Variants in CEP120 observed in about 807,000 individuals in gnomAD.
CEP120 encodes the protein centrosomal protein 120.
Under a neutral mutation model 126.5 loss-of-function variants are expected in CEP120, and 113 were observed. The observed-to-expected ratio is 0.89, with a 90% confidence interval of 0.77 to 1.04. CEP120 has a LOEUF of 1.04. Among genes scored for constraint, CEP120 ranks in the 50% least tolerant of loss-of-function variants. CEP120 has a pLI of 0.00. For missense variants in CEP120, 1,230 were observed against 1,155.7 expected (o/e 1.06, Z -0.93); for synonymous variants, 400 against 394.3 (o/e 1.01, Z -0.17).
At chr5:123,422,654 G>T (rs886694520) in intron 1 of CEP120, 5 of 980,448 alleles carry the variant, frequency 5.1e-6, no homozygotes, top group Non-Finnish European at 6.2e-6. Context: ...ACCACGTTCA[G>T]CTCATATATA....
At position 123,418,339 on chromosome 5, in the gene CEP120, A is replaced by G; in HGVS notation, c.206+20T>C. The G allele has an allele frequency of 1.3e-6, 2 of 1,528,744 alleles. No individual in the cohort carries two copies. The highest frequency in any genetic ancestry group is 1.8e-6 in the Non-Finnish European group (2 of 1,131,770). 94.7% of individuals were successfully genotyped at this position (1,528,744 alleles called of 1,614,324 possible). On this transcript the variant is annotated intron_variant, in intron 2 of 19. Coordinates refer to ENST00000306467, the MANE Select transcript of CEP120 (RefSeq NM_001375405.1). ...AAAATAAGAAACCAATAAAGAAGCT[A>G]AAATGAAAATGATAATCACCTGTGC... is the stretch of plus-strand genomic sequence containing the variant.
chr5:123,357,593 A>T (rs1769735739), intron 18 of CEP120, among the ~76,000 whole-genome samples: 1 of 151,554 alleles, frequency 6.6e-6, no homozygotes, highest in Non-Finnish European at 1.5e-5. Context: ...TGGCGTGGCA[A>T]AACCCTGTCT....
Position 123,347,192 on chromosome 5 carries a change from T to C in CEP120, c.2727-439A>G, listed in dbSNP as rs543344722. ...CTGTATACTACTTTTCTCATTTATA[T>C]AGAGATTTTTTAATATCATTAAATG... On this transcript the variant is annotated intron_variant, in intron 19 of 19. Transcript: ENST00000306467. Among the ~76,000 whole-genome samples, 36 of 152,324 alleles carry C rather than the reference T, an allele frequency of 2.4e-4. 1 individual carries two copies. The South Asian group carries it at 7.2e-3, about 31-fold the overall frequency.
In CEP120 at chr5:123,391,321, C is replaced by T. The variant is rs201955087; in HGVS notation, c.827G>A (p.Gly276Glu). The T allele has an allele frequency of 5.5e-5, 89 of 1,613,428 alleles. No individual in the cohort carries two copies. Among genetic ancestry groups the T allele is most frequent in the Non-Finnish European group, 2.0e-5 (24 of 1,179,382 alleles). ...QSKLQIHLCC[G>E]DQSLGSTEIP... is the part of the protein sequence containing the mutation. ...TTCTGTACTTCCAAGTGACTGGTCT[C>T]CACAGCAGAGGTGAATCTAATATGA... The change falls in exon 7 of 20, where the codon GGA (glycine) becomes GAA (glutamate). Residue 276 changes from glycine to glutamate, a missense_variant. Gly to Glu is a moderately conservative substitution (Grantham distance 98). Transcript: ENST00000306467.
intron 3 of CEP120, among the ~76,000 whole-genome samples, chr5:123,415,597 G>A (rs1250264259): frequency 6.6e-6 from 1 of 151,642 alleles, no homozygotes; most frequent in African/African-American, 2.4e-5. Context: ...ATATTGGCTG[G>A]GTGCAGTGGC....
chr5:123,410,482 T>C (rs1014712008), intron 4 of CEP120, among the ~76,000 whole-genome samples: 4 of 152,152 alleles, frequency 2.6e-5, no homozygotes, highest in African/African-American at 2.4e-5. Context: ...GACAAACAAA[T>C]AGACAAATAG....
chr5:123,393,616 G>T, intron 5 of CEP120, 119 bp from the exon 6 acceptor site: 1 of 769,054 alleles, frequency 1.3e-6, no homozygotes, highest in Non-Finnish European at 2.0e-6. Flanking sequence ...TGTCTTAACC[G>T]CTCAAATAAA....
Position 123,346,682 on chromosome 5 carries a change from T to C in CEP120, c.2798A>G (p.His933Arg), listed in dbSNP as rs749257683. ...CAAACCTTCTTCCAATACACTGCCA[T>C]GGGGGCCATCCTTTTTTCCACTTGC... Reference protein sequence around the residue: ...EIASGKKDGPHGSVLEEGLDD... With the variant: ...EIASGKKDGPRGSVLEEGLDD... Residue 933 changes from histidine to arginine, a missense_variant, in exon 20 of 20, where the codon CAT becomes CGT. Transcript: ENST00000306467. The C allele has an allele frequency of 1.2e-6, 2 of 1,613,772 alleles. No individual in the cohort carries two copies. The highest frequency in any genetic ancestry group is 1.1e-5 in the South Asian group (1 of 90,986).
intron 15 of CEP120, among the ~76,000 whole-genome samples, chr5:123,377,799 T>C (rs1194033002): frequency 6.6e-6 from 1 of 152,098 alleles, no homozygotes; most frequent in Non-Finnish European, 1.5e-5. Flanking sequence ...ACATTTCCAT[T>C]TGAATAAAAC....
At chr5:123,358,138 A>AACAT (rs1210800547) in intron 18 of CEP120, 8 of 152,166 alleles carry the variant, frequency 5.3e-5, no homozygotes, top group African/African-American at 1.9e-4. Flanking sequence ...AAAGGTTCAA[A>AACAT]ACATACAAAA....
At chr5:123,369,916 T>C (rs1770728471) in intron 17 of CEP120, among the ~76,000 whole-genome samples, 1 of 152,070 alleles carries the variant, frequency 6.6e-6, no homozygotes, top group African/African-American at 2.4e-5. Context: ...ACATAGAAGG[T>C]ACTCAATAAA....
In CEP120 at chr5:123,394,023, A is replaced by G. The variant is rs546064795; in HGVS notation, c.613-526T>C. On this transcript the variant is annotated intron_variant, in intron 5 of 19. Coordinates refer to ENST00000306467, the MANE Select transcript of CEP120 (RefSeq NM_001375405.1). ...ACACCAAAAAAATACCTTTTGTACT[A>G]TGAGTGTTACTTTTCAGAGTTGCTA... 5.3e-5 allele frequency among the ~76,000 whole-genome samples: 8 copies of G among 152,354 alleles called. No homozygotes were observed. The South Asian group carries it at 1.0e-3, about 20-fold the overall frequency.
intron 8 of CEP120, 23 bp downstream of exon 8, chr5:123,389,901 A>C: frequency 6.3e-7 from 1 of 1,592,580 alleles, no homozygotes. Flanking sequence ...AAAGATCTAT[A>C]AACAAACAAC....
chr5:123,408,623 A>T (rs80340247), intron 4 of CEP120, among the ~76,000 whole-genome samples: 8,769 of 152,226 alleles, frequency 0.058, 339 homozygotes, highest in South Asian at 0.1. Context: ...TTGAGTCAAT[A>T]ATCAATAACC....
chr5:123,384,775 G>A (rs558304009), intron 11 of CEP120, among the ~76,000 whole-genome samples, 176 bp downstream of exon 11: 12 of 152,202 alleles, frequency 7.9e-5, no homozygotes, highest in African/African-American at 2.6e-4. Context: ...AAGCTAAAGG[G>A]CAAAGTGGGG....
chr5:123,403,344 C>T (rs1000094670), intron 4 of CEP120: 1 of 454,120 alleles, frequency 2.2e-6, no homozygotes. Flanking sequence ...TCTTGCTGTG[C>T]CTGAAAATAT....
At chr5:123,422,869 G>C (rs138822777) in intron 1 of CEP120, 81 bp downstream of exon 1, 2 of 1,300,690 alleles carry the variant, frequency 1.5e-6, no homozygotes, top group East Asian at 2.3e-5. Flanking sequence ...GGGTTCTTAA[G>C]GTTAACAAGG....
intron 18 of CEP120, among the ~76,000 whole-genome samples, chr5:123,355,561 T>G (rs140877413): frequency 0.25 from 37,465 of 152,156 alleles, 5,056 homozygotes; most frequent in African/African-American, 0.32. Flanking sequence ...TTTTCATGTG[T>G]TTTTTGACTG....
At chr5:123,347,867 G>A (rs1189420036) in intron 19 of CEP120, among the ~76,000 whole-genome samples, 1 of 151,960 alleles carries the variant, frequency 6.6e-6, no homozygotes, top group Non-Finnish European at 1.5e-5. Context: ...TTTCCAGGCT[G>A]GTCTCAAACT....
Sources: gnomAD v4.1 joint callset for allele counts (sites outside exome capture counted in the v4.1 genomes callset) on GRCh38, gnomAD v4.1.1 for gene constraint, MANE v1.5 for transcripts, NCBI Gene and HGNC (gene_info 2026-07-23, HGNC 2026-07-21) for gene names.